Variants in KALRN observed in about 807,000 individuals in gnomAD.
The protein encoded by KALRN is kalirin RhoGEF kinase, also known as kalirin.
KALRN carries 70 observed loss-of-function variants against 353.7 expected under a neutral mutation model. The observed-to-expected ratio is 0.20, with a 90% CI of 0.16 to 0.24. KALRN has a LOEUF of 0.24. KALRN is among the 10% of genes least tolerant of loss of function. The pLI is 1.00. For missense variants in KALRN, 2,791 were observed against 3,756.7 expected (o/e 0.74, Z 6.72); for synonymous variants, 1,391 against 1,434.8 (o/e 0.97, Z 0.69).
intron 1 of KALRN, among the ~76,000 whole-genome samples, chr3:124,150,636 A>G (rs2067973596): frequency 6.6e-6 from 1 of 152,202 alleles, no homozygotes. Flanking sequence ...AGCAGTTTTC[A>G]TGGATTTTTT....
chr3:124,687,707 G>C (rs942130590), intron 51 of KALRN, among the ~76,000 whole-genome samples: 1 of 141,926 alleles, frequency 7.0e-6, no homozygotes, highest in Non-Finnish European at 1.6e-5. Flanking sequence ...TACTTACAAA[G>C]CAAACCTCAA....
At chr3:124,501,349 G>T (rs972408985) in intron 33 of KALRN, among the ~76,000 whole-genome samples, 26 of 152,164 alleles carry the variant, frequency 1.7e-4, no homozygotes, top group African/African-American at 6.0e-4. Context: ...TGCCAAAGAA[G>T]AACAGGGAAA....
At chr3:124,522,415 G>A (rs1216540651) in intron 33 of KALRN, among the ~76,000 whole-genome samples, 1 of 151,960 alleles carries the variant, frequency 6.6e-6, no homozygotes, top group Non-Finnish European at 1.5e-5. Context: ...TGTGGGCCTA[G>A]CTCTGAATAG....
intron 1 of KALRN, chr3:124,164,756 A>G (rs1429292411): frequency 2.6e-5 from 4 of 152,212 alleles, no homozygotes; most frequent in Admixed American, 6.5e-5. Flanking sequence ...TTCTTCTAAA[A>G]TTAAGTGATC....
chr3:124,207,965 GGTCTGC>G (rs1490814266), intron 1 of KALRN, among the ~76,000 whole-genome samples: 1 of 152,154 alleles, frequency 6.6e-6, no homozygotes, highest in Non-Finnish European at 1.5e-5. Context: ...GGGGTAACTT[GGTCTGC>G]CTGCTGGCTT....
intron 3 of KALRN, among the ~76,000 whole-genome samples, chr3:124,257,999 G>T (rs1372391069): frequency 1.3e-5 from 2 of 152,140 alleles, no homozygotes; most frequent in Admixed American, 6.5e-5. Flanking sequence ...AAAAAAGCAG[G>T]CTACCTGTTA....
chr3:124,077,202 C>T (rs2060300781), intron 1 of KALRN, among the ~76,000 whole-genome samples: 1 of 152,170 alleles, frequency 6.6e-6, no homozygotes, highest in African/African-American at 2.4e-5. Flanking sequence ...GGAGAGTAGA[C>T]CTGGGTGGAC....
intron 1 of KALRN, among the ~76,000 whole-genome samples, chr3:124,092,091 G>T (rs979498632): frequency 7.2e-5 from 11 of 152,170 alleles, no homozygotes; most frequent in Admixed American, 2.6e-4. Flanking sequence ...GACCCAATGG[G>T]CATTGCTTAT....
intron 34 of KALRN, among the ~76,000 whole-genome samples, chr3:124,578,147 T>C (rs2074295222): frequency 6.6e-6 from 1 of 152,256 alleles, no homozygotes; most frequent in South Asian, 2.1e-4. Flanking sequence ...ACAGGCCTTA[T>C]TTAATTTACA....
At chr3:124,538,239 A>T (rs1215160425) in intron 33 of KALRN, among the ~76,000 whole-genome samples, 1 of 146,034 alleles carries the variant, frequency 6.8e-6, no homozygotes, top group African/African-American at 2.6e-5. Context: ...AGAGCCAAAG[A>T]GTGTTTGTGT....
chr3:124,662,773 T>A (rs2085060547), intron 45 of KALRN, among the ~76,000 whole-genome samples: 1 of 152,136 alleles, frequency 6.6e-6, no homozygotes, highest in Non-Finnish European at 1.5e-5. Context: ...CAACAGAGAT[T>A]TATTGTCTCA....
intron 3 of KALRN, among the ~76,000 whole-genome samples, chr3:124,261,188 G>C (rs1323841675): frequency 6.6e-6 from 1 of 151,998 alleles, no homozygotes; most frequent in Admixed American, 6.6e-5. Flanking sequence ...GCCTGAGCTT[G>C]GGTTTTCAAG....
intron 10 of KALRN, among the ~76,000 whole-genome samples, chr3:124,352,760 A>C (rs2082967217): frequency 6.6e-6 from 1 of 152,078 alleles, no homozygotes; most frequent in East Asian, 1.9e-4. Flanking sequence ...AAAGTAACAC[A>C]AGAAGAGAAA....
At chr3:124,469,724 A>G (rs190844794) in intron 25 of KALRN, among the ~76,000 whole-genome samples, 200 of 152,288 alleles carry the variant, frequency 1.3e-3, no homozygotes, top group African/African-American at 4.6e-3. Flanking sequence ...CCGTTGCCAC[A>G]ACAGGCCCCT....
chr3:124,539,733 AT>A (rs1246464910), intron 33 of KALRN, among the ~76,000 whole-genome samples: 1 of 152,022 alleles, frequency 6.6e-6, no homozygotes, highest in Non-Finnish European at 1.5e-5. Context: ...AGTTTTGTAT[AT>A]TTTTGTGCAT....
chr3:124,576,363 A>G (rs1215909353), intron 34 of KALRN, among the ~76,000 whole-genome samples: 1 of 152,118 alleles, frequency 6.6e-6, no homozygotes, highest in East Asian at 1.9e-4. Flanking sequence ...AAATATTTAT[A>G]GAAAGGAGGG....
intron 1 of KALRN, among the ~76,000 whole-genome samples, chr3:124,055,595 C>T (rs1001631144): frequency 1.3e-5 from 2 of 152,140 alleles, no homozygotes; most frequent in Admixed American, 1.3e-4. Context: ...GTGATTTCCC[C>T]CTTAGATTTT....
At chr3:124,543,699 T>C (rs1214831821) in intron 33 of KALRN, among the ~76,000 whole-genome samples, 1 of 152,078 alleles carries the variant, frequency 6.6e-6, no homozygotes, top group East Asian at 1.9e-4. Context: ...TTTTTTTTAT[T>C]ACTTGATGAA....
chr3:124,396,439 T>A (rs2090166168), intron 12 of KALRN, among the ~76,000 whole-genome samples: 1 of 152,230 alleles, frequency 6.6e-6, no homozygotes, highest in Admixed American at 6.5e-5. Context: ...CCTAATTATC[T>A]TCATGAATAT....
Sources: allele counts gnomAD v4.1 joint callset (sites outside exome capture counted in the v4.1 genomes callset), GRCh38; gene constraint gnomAD v4.1.1; transcripts MANE v1.5; gene names NCBI Gene and HGNC (gene_info 2026-07-23, HGNC 2026-07-21).